The following PTPRT variants were observed in gnomAD, a reference collection of about 807,000 sequenced individuals.
PTPRT encodes the protein protein tyrosine phosphatase receptor type T, also known as receptor-type tyrosine-protein phosphatase T.
In PTPRT, 56 loss-of-function variants were observed where a neutral mutation model predicts 176.8. The observed-to-expected ratio is 0.32, with a 90% CI of 0.26 to 0.40. The LOEUF (loss-of-function observed/expected upper bound fraction) is 0.40. Ranked by LOEUF, PTPRT falls within the 10% of genes least tolerant of loss-of-function variation. The probability of loss-of-function intolerance (pLI) is 1.00; values close to 1 mark genes in which losing one functional copy is unlikely to be tolerated. For missense variants in PTPRT, 1,540 were observed against 1,908.2 expected (o/e 0.81, Z 3.60); for synonymous variants, 783 against 739.0 (o/e 1.06, Z -0.96).
chr20:42,482,511 G>T (rs771991612), intron 7 of PTPRT, among the ~76,000 whole-genome samples: 1 of 152,180 alleles, frequency 6.6e-6, no homozygotes, highest in Non-Finnish European at 1.5e-5. Flanking sequence ...AACTATACTG[G>T]ATGTAGGAGT....
chr20:42,258,265 T>A (rs2056684721), intron 13 of PTPRT, among the ~76,000 whole-genome samples: 2 of 152,182 alleles, frequency 1.3e-5, no homozygotes, highest in South Asian at 4.1e-4. Context: ...CACCCACGTA[T>A]CCTATTCTAA....
Position 42,916,535 on chromosome 20 carries a change from G to A in PTPRT, c.89-30603C>T, listed in dbSNP as rs1156576797. Among the ~76,000 whole-genome samples the A allele has an allele frequency of 3.9e-5, 6 of 152,154 alleles. No homozygotes were observed. The East Asian group carries it at 5.8e-4, about 15-fold the overall frequency. On this transcript the variant is annotated intron_variant, in intron 1 of 30. Coordinates refer to ENST00000373187, the MANE Select transcript of PTPRT (RefSeq NM_007050.6). ...TCTAGTTCTAGATCCCTGAGGAATC[G>A]CCACACTGACTTCCACAATGGTTAA...
intron 2 of PTPRT, among the ~76,000 whole-genome samples, chr20:42,839,960 G>A (rs1485732891): frequency 6.6e-6 from 1 of 152,116 alleles, no homozygotes; most frequent in Non-Finnish European, 1.5e-5. Context: ...TGTATACCCT[G>A]GCCTAATGTT....
intron 1 of PTPRT, among the ~76,000 whole-genome samples, chr20:43,164,300 A>C (rs1239892813): frequency 6.6e-6 from 1 of 152,258 alleles, no homozygotes; most frequent in Admixed American, 6.5e-5. Flanking sequence ...TAGAGCACCC[A>C]GTACATGCCA....
At chr20:43,096,667 C>T (rs979657382) in intron 1 of PTPRT, among the ~76,000 whole-genome samples, 1 of 152,210 alleles carries the variant, frequency 6.6e-6, no homozygotes, top group Non-Finnish European at 1.5e-5. Flanking sequence ...CCTTCCAGAT[C>T]CAGATGCACT....
rs11482189 is a variant in PTPRT, at chr20:43,016,552, C to CTTTTTTTTTTTTTTTT, written c.89-130636_89-130621dup. Among the ~76,000 whole-genome samples the CTTTTTTTTTTTTTTTT allele has an allele frequency of 1.3e-3, 102 of 76,242 alleles. 9 individuals carry two copies. Among genetic ancestry groups the CTTTTTTTTTTTTTTTT allele is most frequent in the African/African-American group, 6.9e-3 (98 of 14,290 alleles). 50.0% of individuals were successfully genotyped at this position (76,242 alleles called of 152,430 possible). A position where few individuals can be genotyped will look rare whatever the true frequency, so the allele number is the denominator to read the frequency against. ...CATTTCTCTAACTGCTCTAAGGCCA[C>CTTTTTTTTTTTTTTTT]TTTTTTTTTTTTTTTTTTTTTTTTT... On this transcript the variant is annotated intron_variant, in intron 1 of 30. Coordinates refer to ENST00000373187, the MANE Select transcript of PTPRT (RefSeq NM_007050.6).
chr20:43,131,367 G>T (rs2013641195), intron 1 of PTPRT, among the ~76,000 whole-genome samples: 1 of 152,172 alleles, frequency 6.6e-6, no homozygotes, highest in African/African-American at 2.4e-5. Flanking sequence ...GGGCAGATCT[G>T]CTTTTTCCCA....
At chr20:43,136,107 T>A (rs2013823467) in intron 1 of PTPRT, among the ~76,000 whole-genome samples, 1 of 152,230 alleles carries the variant, frequency 6.6e-6, no homozygotes, top group Non-Finnish European at 1.5e-5. Flanking sequence ...TTATCTGCTA[T>A]TTAATCACCT....
At chr20:43,121,977 C>T (rs768190931) in intron 1 of PTPRT, among the ~76,000 whole-genome samples, 13 of 152,182 alleles carry the variant, frequency 8.5e-5, no homozygotes, top group Non-Finnish European at 1.8e-4. Flanking sequence ...AACCAAAATT[C>T]AAACTCTGTC....
intron 1 of PTPRT, among the ~76,000 whole-genome samples, chr20:43,155,488 A>G (rs1174647793): frequency 6.6e-6 from 1 of 152,236 alleles, no homozygotes; most frequent in Admixed American, 6.5e-5. Context: ...TTGATCTCAT[A>G]GAAGTAGACA....
In PTPRT at chr20:42,141,775, C is replaced by T. The variant is rs1363787941; in HGVS notation, c.2770+140G>A. ...GGATGGCAGTAAGGCTGATATAAAG[C>T]TTCCATCTTGGCATGTAGATACAAA... On this transcript the variant is annotated intron_variant, in intron 18 of 30. Coordinates refer to ENST00000373187, the MANE Select transcript of PTPRT (RefSeq NM_007050.6). 6.2e-6 allele frequency: 5 copies of T among 812,294 alleles called. No homozygotes were observed. The African/African-American group carries it at 6.8e-5, about 11-fold the overall frequency. The allele number at this position is 812,294 out of a possible 1,614,324, so 50.3% of individuals were successfully genotyped here.
intron 20 of PTPRT, 111 bp downstream of exon 20, chr20:42,119,824 G>T (rs1184900859): frequency 4.2e-6 from 4 of 948,678 alleles, no homozygotes; most frequent in East Asian, 2.8e-5. Context: ...GAAAAAGGAG[G>T]GTTGGAGTAA....
intron 15 of PTPRT, among the ~76,000 whole-genome samples, chr20:42,203,065 A>G (rs1393562976): frequency 6.6e-6 from 1 of 152,098 alleles, no homozygotes; most frequent in Non-Finnish European, 1.5e-5. Flanking sequence ...CTGATGGCTG[A>G]CTCTGTATTT....
At chr20:43,145,263 CTTTA>C (rs2014136266) in intron 1 of PTPRT, among the ~76,000 whole-genome samples, 1 of 152,180 alleles carries the variant, frequency 6.6e-6, no homozygotes, top group African/African-American at 2.4e-5. Context: ...TTACTTATTT[CTTTA>C]TTTATTGACT....
chr20:42,287,606 T>G (rs1324753755), intron 12 of PTPRT, among the ~76,000 whole-genome samples: 4 of 151,788 alleles, frequency 2.6e-5, no homozygotes, highest in African/African-American at 7.2e-5. Context: ...AAAGATTTGT[T>G]GAAGGATACA....
At chr20:43,010,796 A>G (rs1385194541) in intron 1 of PTPRT, among the ~76,000 whole-genome samples, 1 of 152,082 alleles carries the variant, frequency 6.6e-6, no homozygotes, top group Non-Finnish European at 1.5e-5. Context: ...AGTACTAAGC[A>G]GGTTCTTCAC....
chr20:42,578,399 A>G (rs1223704398), intron 7 of PTPRT, among the ~76,000 whole-genome samples: 1 of 152,188 alleles, frequency 6.6e-6, no homozygotes, highest in African/African-American at 2.4e-5. Context: ...ATCATGGTGC[A>G]GATGTGATTG....
At chr20:42,197,853 T>C (rs1400310198) in intron 16 of PTPRT, among the ~76,000 whole-genome samples, 2 of 152,166 alleles carry the variant, frequency 1.3e-5, no homozygotes, top group Non-Finnish European at 2.9e-5. Flanking sequence ...CATTTTGCTG[T>C]CTTCTCAACA....
At chr20:42,436,050 T>C (rs1164107503) in intron 9 of PTPRT, among the ~76,000 whole-genome samples, 2 of 152,118 alleles carry the variant, frequency 1.3e-5, no homozygotes, top group African/African-American at 4.8e-5. Flanking sequence ...ATCAATGTAA[T>C]AAAAAAATAA....
Sources: gnomAD v4.1 joint callset for allele counts (sites outside exome capture counted in the v4.1 genomes callset) on GRCh38, gnomAD v4.1.1 for gene constraint, MANE v1.5 for transcripts, NCBI Gene and HGNC (gene_info 2026-07-23, HGNC 2026-07-21) for gene names.